TMEM178B: variants seen among roughly 807,000 people sequenced by gnomAD.
TMEM178B encodes the protein transmembrane protein 178B.
In TMEM178B, 5 loss-of-function variants were observed where a neutral mutation model predicts 31.0. That is an observed-to-expected ratio of 0.16 (90% CI 0.08 to 0.34). The LOEUF (loss-of-function observed/expected upper bound fraction) is 0.34, where lower values mean the gene tolerates loss of function less well. Among genes scored for constraint, TMEM178B ranks in the 10% least tolerant of loss-of-function variants. The pLI is 1.00. For missense variants in TMEM178B, 275 were observed against 400.3 expected (o/e 0.69, Z 2.67); for synonymous variants, 164 against 164.0 (o/e 1.00, Z 0.00).
At chr7:141,150,244 C>T (rs188726183) in intron 1 of TMEM178B, among the ~76,000 whole-genome samples, 83 of 152,258 alleles carry the variant, frequency 5.5e-4, no homozygotes, top group African/African-American at 1.9e-3. Flanking sequence ...AAGTTTCAGA[C>T]AACCCTGAAC....
the TMEM178B span, among the ~76,000 whole-genome samples, chr7:141,508,086 T>C: frequency 6.6e-6 from 1 of 152,234 alleles, no homozygotes; most frequent in Non-Finnish European, 1.5e-5. Flanking sequence ...ACTTTAATGC[T>C]CTGCTTCCCT....
intron 3 of TMEM178B, among the ~76,000 whole-genome samples, chr7:141,455,877 G>T (rs962989134): frequency 6.6e-6 from 1 of 152,246 alleles, no homozygotes. Flanking sequence ...CAGGTGGCAG[G>T]CTTGCCTGAT....
At chr7:141,433,052 A>G (rs1801466400) in intron 2 of TMEM178B, among the ~76,000 whole-genome samples, 1 of 152,214 alleles carries the variant, frequency 6.6e-6, no homozygotes, top group South Asian at 2.1e-4. Flanking sequence ...ATATGCACAC[A>G]GTCCGTAACT....
intron 1 of TMEM178B, among the ~76,000 whole-genome samples, chr7:141,154,543 T>C (rs1796033120): frequency 6.6e-6 from 1 of 152,204 alleles, no homozygotes; most frequent in Non-Finnish European, 1.5e-5. Context: ...TGTCAGAATC[T>C]TGCTTTTCTG....
intron 1 of TMEM178B, among the ~76,000 whole-genome samples, chr7:141,143,271 T>A (rs1795803709): frequency 6.6e-6 from 1 of 152,220 alleles, no homozygotes; most frequent in South Asian, 2.1e-4. Flanking sequence ...TTTGAGGACT[T>A]AGTCATACAT....
chr7:141,339,228 A>G (rs1735759355), intron 2 of TMEM178B, among the ~76,000 whole-genome samples: 1 of 152,056 alleles, frequency 6.6e-6, no homozygotes, highest in Admixed American at 6.6e-5. Context: ...CTTCCAAGGG[A>G]TGGTGTCTGC....
At chr7:141,212,252 C>T (rs953095936) in intron 1 of TMEM178B, among the ~76,000 whole-genome samples, 3 of 152,152 alleles carry the variant, frequency 2.0e-5, no homozygotes, top group South Asian at 2.1e-4. Context: ...CTGCTGGTCC[C>T]GGGGTGGAAA....
chr7:141,292,634 C>CTTTTTTT (rs34248650), intron 2 of TMEM178B, among the ~76,000 whole-genome samples: 13 of 106,130 alleles, frequency 1.2e-4, no homozygotes, highest in Non-Finnish European at 1.8e-4. Flanking sequence ...GCTTTTAGAT[C>CTTTTTTT]TTTTTTTTTT....
intron 3 of TMEM178B, among the ~76,000 whole-genome samples, chr7:141,462,184 C>CAACA (rs1802070344): frequency 6.6e-6 from 1 of 152,118 alleles, no homozygotes; most frequent in Non-Finnish European, 1.5e-5. Context: ...AGTTTTAGGG[C>CAACA]TGAAAGTCCC....
rs76049480 is a variant in TMEM178B, at chr7:141,332,606, T to C, written c.497-105002T>C. ...GGTTTTCAAGCATCTCTTCCAGATA[T>C]TGTTTTCACATTATACAAAACAACA... is the stretch of plus-strand genomic sequence containing the variant. On this transcript the variant is annotated intron_variant, in intron 2 of 3. Transcript: ENST00000565468. 6.6e-5 allele frequency among the ~76,000 whole-genome samples: 10 copies of C among 152,380 alleles called. No homozygotes were observed. The East Asian group carries it at 1.9e-3, about 29-fold the overall frequency.
At chr7:141,295,211 TC>T (rs1798611153) in intron 2 of TMEM178B, among the ~76,000 whole-genome samples, 1 of 152,146 alleles carries the variant, frequency 6.6e-6, no homozygotes, top group Admixed American at 6.5e-5. Flanking sequence ...GTATCCAGAT[TC>T]CAGAAACCTG....
intron 1 of TMEM178B, among the ~76,000 whole-genome samples, chr7:141,123,418 T>C (rs1162223440): frequency 6.6e-6 from 1 of 152,226 alleles, no homozygotes; most frequent in African/African-American, 2.4e-5. Context: ...GAGTGTCTTC[T>C]CCTCTCCTCC....
intron 1 of TMEM178B, among the ~76,000 whole-genome samples, chr7:141,187,801 C>T (rs1358683127): frequency 2.6e-5 from 4 of 151,874 alleles, no homozygotes; most frequent in Non-Finnish European, 5.9e-5. Context: ...TTGTTTTTTT[C>T]TTGTAAATTT....
rs184958779 is a variant in TMEM178B at position 141,178,048 on chromosome 7, A to G, written c.383-34543A>G. Among the ~76,000 whole-genome samples, 526 of 152,266 alleles carry G rather than the reference A, an allele frequency of 3.5e-3. 11 individuals carry two copies. Among genetic ancestry groups the G allele is most frequent in the Non-Finnish European group, 1.0e-3 (69 of 68,030 alleles). On this transcript the variant is annotated intron_variant, in intron 1 of 3. Coordinates refer to ENST00000565468, the MANE Select transcript of TMEM178B (RefSeq NM_001195278.2). Reference sequence around the variant, plus strand: ...TTTCTTCATAGCATCGATGGCCTTTACAATTTGGTATGTTTTTGCAGTGGC... The same window carrying G: ...TTTCTTCATAGCATCGATGGCCTTTGCAATTTGGTATGTTTTTGCAGTGGC...
At chr7:141,179,700 G>A (rs943443738) in intron 1 of TMEM178B, among the ~76,000 whole-genome samples, 6 of 152,200 alleles carry the variant, frequency 3.9e-5, no homozygotes, top group Non-Finnish European at 7.3e-5. Context: ...GTGAGGTTGA[G>A]GGGAAAGCCT....
chr7:141,240,926 C>G (rs1024026328), intron 2 of TMEM178B, among the ~76,000 whole-genome samples: 1 of 151,646 alleles, frequency 6.6e-6, no homozygotes, highest in Non-Finnish European at 1.5e-5. Context: ...CCTTGTGACT[C>G]CACCTGGTGG....
chr7:141,465,852 G>A (rs981617976), intron 3 of TMEM178B, among the ~76,000 whole-genome samples: 4 of 152,036 alleles, frequency 2.6e-5, no homozygotes, highest in African/African-American at 9.7e-5. Context: ...GTGAAACCCT[G>A]TCTCTACAAA....
At chr7:141,130,415 T>C (rs1385263162) in intron 1 of TMEM178B, among the ~76,000 whole-genome samples, 1 of 152,198 alleles carries the variant, frequency 6.6e-6, no homozygotes, top group Non-Finnish European at 1.5e-5. Flanking sequence ...TCAATATAAA[T>C]GTAATTGTAT....
At chr7:141,201,225 A>G (rs1245745606) in intron 1 of TMEM178B, among the ~76,000 whole-genome samples, 1 of 152,236 alleles carries the variant, frequency 6.6e-6, no homozygotes, top group African/African-American at 2.4e-5. Flanking sequence ...GCCAGGCCAC[A>G]TGGCCAGAGC....
Sources: gnomAD v4.1 joint callset for allele counts (sites outside exome capture counted in the v4.1 genomes callset) on GRCh38, gnomAD v4.1.1 for gene constraint, MANE v1.5 for transcripts, NCBI Gene and HGNC (gene_info 2026-07-23, HGNC 2026-07-21) for gene names.